MTHFD1L: variants seen among roughly 807,000 people sequenced by gnomAD.
The protein encoded by MTHFD1L is monofunctional C1-tetrahydrofolate synthase, mitochondrial.
MTHFD1L carries 81 observed loss-of-function variants against 119.5 expected under a neutral mutation model. The ratio of observed to expected loss-of-function variants is 0.68; its 90% CI spans 0.57 to 0.82. MTHFD1L has a LOEUF of 0.82. Ranked by LOEUF, MTHFD1L falls within the 40% of genes least tolerant of loss-of-function variation. The pLI is 0.00. For missense variants in MTHFD1L, 1,125 were observed against 1,253.4 expected (o/e 0.90, Z 1.55); for synonymous variants, 430 against 475.2 (o/e 0.90, Z 1.24).
At chr6:151,021,928 T>A in intron 24 of MTHFD1L, 1 of 448,218 alleles carries the variant, frequency 2.2e-6, no homozygotes, top group Non-Finnish European at 4.7e-6. Flanking sequence ...CATCTCTGTA[T>A]CCTTCCTCTA....
intron 7 of MTHFD1L, among the ~76,000 whole-genome samples, chr6:150,892,128 T>C (rs1267807159): frequency 6.6e-6 from 1 of 152,180 alleles, no homozygotes; most frequent in Non-Finnish European, 1.5e-5. Flanking sequence ...GGCAATAGTT[T>C]GCACTTGAGA....
At chr6:151,064,800 G>GT (rs1477788394) in intron 26 of MTHFD1L, among the ~76,000 whole-genome samples, 1 of 130,146 alleles carries the variant, frequency 7.7e-6, no homozygotes, top group Non-Finnish European at 1.7e-5. Flanking sequence ...TTTTTTTTTT[G>GT]TTTTTTTGTT....
chr6:151,085,502 G>T (rs1360606909), intron 26 of MTHFD1L, among the ~76,000 whole-genome samples: 1 of 152,214 alleles, frequency 6.6e-6, no homozygotes, highest in African/African-American at 2.4e-5. Flanking sequence ...CGGGCGCGTT[G>T]TCTCACGCCT....
chr6:150,888,901 G>A (rs968827542), intron 7 of MTHFD1L, among the ~76,000 whole-genome samples: 8 of 152,218 alleles, frequency 5.3e-5, no homozygotes, highest in Non-Finnish European at 1.0e-4. Flanking sequence ...AAGGCCGGGC[G>A]TGGTGGCTCA....
intron 27 of MTHFD1L, among the ~76,000 whole-genome samples, chr6:151,096,307 C>T (rs571669119): frequency 1.4e-4 from 22 of 152,306 alleles, no homozygotes; most frequent in Middle Eastern, 3.4e-3. Context: ...TACCCACCCC[C>T]CAATCCAAGG....
chr6:151,053,713 A>G (rs1789437211), intron 26 of MTHFD1L, among the ~76,000 whole-genome samples: 1 of 152,034 alleles, frequency 6.6e-6, no homozygotes, highest in Admixed American at 6.6e-5. Context: ...TACAAAAATT[A>G]GCTGGGCATG....
chr6:150,933,463 T>G (rs770686237), intron 11 of MTHFD1L, among the ~76,000 whole-genome samples: 9 of 151,974 alleles, frequency 5.9e-5, no homozygotes, highest in Non-Finnish European at 1.3e-4. Context: ...AGTATTAATA[T>G]CTTTGTATAA....
intron 20 of MTHFD1L, among the ~76,000 whole-genome samples, chr6:150,980,327 A>G (rs557414298): frequency 6.6e-6 from 1 of 152,266 alleles, no homozygotes; most frequent in South Asian, 2.1e-4. Flanking sequence ...CTTGGTGCCG[A>G]AGCTCATTCG....
intron 4 of MTHFD1L, among the ~76,000 whole-genome samples, chr6:150,880,435 T>C (rs1039671953): frequency 6.6e-6 from 1 of 152,244 alleles, no homozygotes; most frequent in African/African-American, 2.4e-5. Context: ...AATGACAGGA[T>C]TTCATTCCTT....
intron 26 of MTHFD1L, among the ~76,000 whole-genome samples, chr6:151,067,243 C>T (rs1034835877): frequency 1.1e-4 from 16 of 151,786 alleles, no homozygotes; most frequent in Admixed American, 9.8e-4. Context: ...CCACCGCTCC[C>T]GGCCATCGAT....
chr6:150,927,057 T>C (rs183927708), intron 11 of MTHFD1L, among the ~76,000 whole-genome samples: 40 of 152,288 alleles, frequency 2.6e-4, no homozygotes, highest in African/African-American at 9.4e-4. Flanking sequence ...ACAAAACCTA[T>C]TTGTCAGGCA....
At position 150,905,657 on chromosome 6, in the gene MTHFD1L, A is replaced by G. The variant is rs1583480499; in HGVS notation, c.788A>G (p.Glu263Gly). 2 of 1,613,744 alleles carry G rather than the reference A, an allele frequency of 1.2e-6. No homozygotes were observed. The highest frequency in any genetic ancestry group is 8.5e-7 in the Non-Finnish European group (1 of 1,179,754). Residue 263 changes from glutamate (E) to glycine (G), a missense_variant, in exon 8 of 28, where the codon GAG becomes GGG. By Grantham distance (98) the Glu-to-Gly change is moderately conservative. Transcript: ENST00000367321. Reference sequence around the variant, plus strand: ...TTTTCTTTCTCCTTTTAGCTTCACGAGGCTGACATTGTGGTCCTAGGCTCA... The same window carrying G: ...TTTTCTTTCTCCTTTTAGCTTCACGGGGCTGACATTGTGGTCCTAGGCTCA... ...KTRQLQSKLH[E>G]ADIVVLGSPK...
chr6:150,866,493 G>T (rs767933295), intron 1 of MTHFD1L: 1,076 of 1,312,888 alleles, frequency 8.2e-4, no homozygotes, highest in Middle Eastern at 1.1e-3. Context: ...TTCGGGAAGG[G>T]CAAGCGGAGC....
At chr6:150,866,320 C>T (rs1241309505) in intron 1 of MTHFD1L, 1 of 1,458,480 alleles carries the variant, frequency 6.9e-7, no homozygotes. Flanking sequence ...GCATGGACCG[C>T]ACGCCCGGCT....
intron 19 of MTHFD1L, among the ~76,000 whole-genome samples, chr6:150,967,118 A>G (rs111398302): frequency 3.9e-5 from 2 of 51,194 alleles, no homozygotes; most frequent in African/African-American, 8.1e-5. Context: ...TCCTGCCCCC[A>G]CCTGCATCCT....
chr6:150,965,032 CT>C lies in MTHFD1L; in HGVS notation c.2009del (p.Leu670ArgfsTer30). On this transcript the variant is annotated frameshift_variant, in exon 19 of 28. Coordinates refer to ENST00000367321, the MANE Select transcript of MTHFD1L (RefSeq NM_015440.5). LOFTEE classifies it high-confidence loss of function. ...DAIKPNLMQT[L>X]EGTPVFVHAG... ...AATAAAACCAAACCTGATGCAGACC[CT>C]GGAAGTAAGTGGTTTTCTTCTTATA... 1.2e-6 allele frequency: 2 copies of C among 1,613,824 alleles called. No individual in the cohort carries two copies. The highest frequency in any genetic ancestry group is 1.7e-6 in the Non-Finnish European group (2 of 1,179,780).
chr6:150,938,824 GC>G, intron 13 of MTHFD1L, 79 bp downstream of exon 13: 3 of 1,491,820 alleles, frequency 2.0e-6, no homozygotes, highest in Non-Finnish European at 1.8e-6. Flanking sequence ...ATCCACACAG[GC>G]CCACAGACCC....
chr6:150,998,980 A>T (rs1267643770), intron 20 of MTHFD1L, among the ~76,000 whole-genome samples: 1 of 149,776 alleles, frequency 6.7e-6, no homozygotes, highest in Non-Finnish European at 1.5e-5. Flanking sequence ...ACAGAGGGAG[A>T]CCCTGTCTTA....
At chr6:150,953,401 C>T (rs1054073577) in intron 16 of MTHFD1L, among the ~76,000 whole-genome samples, 2 of 152,190 alleles carry the variant, frequency 1.3e-5, no homozygotes, top group African/African-American at 4.8e-5. Context: ...CTGGCATTGT[C>T]CTAGCATGCC....
Sources: allele counts gnomAD v4.1 joint callset (sites outside exome capture counted in the v4.1 genomes callset), GRCh38; gene constraint gnomAD v4.1.1; transcripts MANE v1.5; gene names NCBI Gene and HGNC (gene_info 2026-07-23, HGNC 2026-07-21).